Variants in SLCO3A1 observed in about 807,000 individuals in gnomAD.
SLCO3A1 encodes PGE1 transporter.
SLCO3A1 carries 27 observed loss-of-function variants against 63.1 expected under a neutral mutation model. That is an observed-to-expected ratio of 0.43 (90% CI 0.32 to 0.59). The LOEUF is 0.59. Among genes scored for constraint, SLCO3A1 ranks in the 20% least tolerant of loss-of-function variants. The probability of loss-of-function intolerance (pLI) is 0.09; values close to 1 mark genes in which losing one functional copy is unlikely to be tolerated. For missense variants in SLCO3A1, 773 were observed against 945.8 expected, an observed-to-expected ratio of 0.82 and a Z score of 2.40; for synonymous variants, 473 against 409.9, an observed-to-expected ratio of 1.15 and a Z score of -1.86.
chr15:92,042,712 G>T (rs1194398658), intron 2 of SLCO3A1, among the ~76,000 whole-genome samples: 2 of 152,118 alleles, frequency 1.3e-5, no homozygotes, highest in Non-Finnish European at 2.9e-5. Flanking sequence ...AGGGAGGAGG[G>T]CAGCCTTTCC....
intron 2 of SLCO3A1, among the ~76,000 whole-genome samples, chr15:91,940,968 C>A (rs1899599668): frequency 1.3e-5 from 2 of 152,126 alleles, no homozygotes; most frequent in South Asian, 2.1e-4. Flanking sequence ...TTGACCTTTG[C>A]CCTTGGGCTT....
At position 92,022,402 on chromosome 15, in the gene SLCO3A1, G is replaced by A. The variant is rs372351016; in HGVS notation, c.647-72479G>A. ...CAAGGGTAATAGTCACCCATAAGGA[G>A]TCACCAATAGAACTATTAAGGAAAT... On this transcript the variant is annotated intron_variant, in intron 2 of 9. Coordinates refer to ENST00000318445, the MANE Select transcript of SLCO3A1 (RefSeq NM_013272.4). 6.6e-5 allele frequency among the ~76,000 whole-genome samples: 10 copies of A among 152,314 alleles called. No individual in the cohort carries two copies. The East Asian group carries it at 1.5e-3, about 24-fold the overall frequency.
intron 7 of SLCO3A1, among the ~76,000 whole-genome samples, chr15:92,145,997 AGAG>A (rs1396358253): frequency 3.3e-5 from 5 of 152,144 alleles, no homozygotes; most frequent in Admixed American, 3.3e-4. Context: ...GGGGAGGACC[AGAG>A]GAGGAGAACT....
intron 2 of SLCO3A1, among the ~76,000 whole-genome samples, chr15:91,944,697 G>C (rs1349500088): frequency 6.6e-6 from 1 of 152,076 alleles, no homozygotes; most frequent in Non-Finnish European, 1.5e-5. Flanking sequence ...TCAAAGAGGA[G>C]CCTGCTTTGA....
At chr15:91,893,516 T>C (rs1156991947) in intron 1 of SLCO3A1, among the ~76,000 whole-genome samples, 2 of 152,208 alleles carry the variant, frequency 1.3e-5, no homozygotes, top group Non-Finnish European at 2.9e-5. Context: ...GGCAACTCTT[T>C]GGGGCCTCTG....
chr15:91,954,101 C>T lies in SLCO3A1; in HGVS notation c.646+37643C>T, dbSNP rs1421217077. On this transcript the variant is annotated intron_variant, in intron 2 of 9. Transcript: ENST00000318445. The surrounding 1 kb of genome is among the most constrained non-coding windows in gnomAD (Gnocchi z 4.7). ...GATGTCTTCACAGAGCATGTAGAAA[C>T]CCCCACTCATGAGGGAAAGATTGAG... Among the ~76,000 whole-genome samples, 1 of 152,184 alleles carries T rather than the reference C, an allele frequency of 6.6e-6. No individual in the cohort carries two copies. Among genetic ancestry groups the T allele is most frequent in the Admixed American group, 6.5e-5 (1 of 15,282 alleles).
chr15:91,978,866 A>C (rs868120881), intron 2 of SLCO3A1, among the ~76,000 whole-genome samples: 1 of 152,302 alleles, frequency 6.6e-6, no homozygotes, highest in South Asian at 2.1e-4. Context: ...AATCCTATTG[A>C]CCATATCTGG....
chr15:92,142,079 C>G (rs1004314212), intron 7 of SLCO3A1, among the ~76,000 whole-genome samples: 4 of 152,226 alleles, frequency 2.6e-5, no homozygotes, highest in Non-Finnish European at 2.9e-5. Flanking sequence ...TAAATTAAAT[C>G]TGAATAAATA....
chr15:91,922,439 A>C (rs553390720), intron 2 of SLCO3A1, among the ~76,000 whole-genome samples: 1 of 152,356 alleles, frequency 6.6e-6, no homozygotes, highest in African/African-American at 2.4e-5. Context: ...TTCCGTTAAT[A>C]ATGCAAAGAG....
chr15:91,854,048 G>A lies in SLCO3A1; in HGVS notation c.140G>A (p.Cys47Tyr). Residue 47 changes from cysteine (C) to tyrosine (Y), a missense_variant, in exon 1 of 10, where the codon TGC becomes TAC. Coordinates refer to ENST00000318445, the MANE Select transcript of SLCO3A1 (RefSeq NM_013272.4). This position sits in a 1 kb window ranked among gnomAD's most constrained non-coding sequence, Gnocchi z 6.4. ...SNIKIFLVSE[C>Y]ALMLAQGTVG... Reference sequence around the variant, plus strand: ...ATCAAGATCTTCCTGGTGTCCGAGTGCGCCCTGATGCTGGCGCAGGGCACG... The same window carrying A: ...ATCAAGATCTTCCTGGTGTCCGAGTACGCCCTGATGCTGGCGCAGGGCACG... 6.5e-7 allele frequency: 1 copy of A among 1,538,064 alleles called. No homozygotes were observed. The highest frequency in any genetic ancestry group is 8.8e-7 in the Non-Finnish European group (1 of 1,140,230).
intron 2 of SLCO3A1, among the ~76,000 whole-genome samples, chr15:92,082,069 C>G (rs2047353520): frequency 6.6e-6 from 1 of 152,178 alleles, no homozygotes; most frequent in Admixed American, 6.5e-5. Context: ...GTGTCTAACA[C>G]CTAATTTGTG....
intron 2 of SLCO3A1, among the ~76,000 whole-genome samples, chr15:92,063,434 C>A (rs1345534255): frequency 6.6e-6 from 1 of 152,200 alleles, no homozygotes; most frequent in Non-Finnish European, 1.5e-5. Flanking sequence ...GTGTCCTAAC[C>A]TCTGCAAGCC....
chr15:91,896,984 G>A (rs1319347849), intron 1 of SLCO3A1, among the ~76,000 whole-genome samples: 1 of 152,154 alleles, frequency 6.6e-6, no homozygotes, highest in Non-Finnish European at 1.5e-5. Flanking sequence ...ACCTGTCTCT[G>A]CCCCTTGTAG....
chr15:91,919,159 G>A (rs180974078), intron 2 of SLCO3A1, among the ~76,000 whole-genome samples: 26 of 152,272 alleles, frequency 1.7e-4, no homozygotes, highest in Middle Eastern at 3.4e-3. Context: ...TTTGTACATC[G>A]GTGGCCGTGT....
At chr15:92,051,347 C>T (rs1478459416) in intron 2 of SLCO3A1, among the ~76,000 whole-genome samples, 1 of 152,100 alleles carries the variant, frequency 6.6e-6, no homozygotes, top group Non-Finnish European at 1.5e-5. Flanking sequence ...AGCTTTGGGA[C>T]AGCATCCCTG....
In SLCO3A1 at chr15:91,941,626, T is replaced by C. The variant is rs1415315631; in HGVS notation, c.646+25168T>C. Reference sequence around the variant, plus strand: ...GTCTTGGAGGTTTTGAAGCTTCTAATCTCCCATGGGTTTTGTACTTTTTCT... The same window carrying C: ...GTCTTGGAGGTTTTGAAGCTTCTAACCTCCCATGGGTTTTGTACTTTTTCT... On this transcript the variant is annotated intron_variant, in intron 2 of 9. Transcript: ENST00000318445. This position sits in a 1 kb window ranked among gnomAD's most constrained non-coding sequence, Gnocchi z 4.4. The C allele has an allele frequency of 2.2e-6, 1 of 454,800 alleles. No individual in the cohort carries two copies. The highest frequency in any genetic ancestry group is 4.4e-6 in the Non-Finnish European group (1 of 226,406). 28.2% of individuals were successfully genotyped at this position (454,800 alleles called of 1,614,324 possible). A position where few individuals can be genotyped will look rare whatever the true frequency, so the allele number is the denominator to read the frequency against.
At chr15:91,934,957 C>CT (rs202201657) in intron 2 of SLCO3A1, among the ~76,000 whole-genome samples, 1,763 of 151,446 alleles carry the variant, frequency 0.012, 37 homozygotes, top group African/African-American at 0.04. Flanking sequence ...AATTTCCTGA[C>CT]TTTTTTTTTG....
chr15:91,996,365 A>G (rs1194317469), intron 2 of SLCO3A1, among the ~76,000 whole-genome samples: 1 of 152,210 alleles, frequency 6.6e-6, no homozygotes, highest in Non-Finnish European at 1.5e-5. Flanking sequence ...AGGGTAAAAT[A>G]TACCATATTC....
chr15:92,073,148 G>C (rs77214501), intron 2 of SLCO3A1, among the ~76,000 whole-genome samples: 1 of 152,110 alleles, frequency 6.6e-6, no homozygotes, highest in Non-Finnish European at 1.5e-5. Flanking sequence ...AAAGGCCTAC[G>C]CTGGGAAATG....
Sources: allele counts gnomAD v4.1 joint callset (sites outside exome capture counted in the v4.1 genomes callset), GRCh38; gene constraint gnomAD v4.1.1; non-coding constraint Gnocchi (gnomAD v3.1); transcripts MANE v1.5; gene names NCBI Gene and HGNC (gene_info 2026-07-23, HGNC 2026-07-21).